The following PCDHGB3 variants were observed in gnomAD, a reference collection of about 807,000 sequenced individuals.
PCDHGB3 encodes protocadherin gamma subfamily B, 3, also known as protocadherin gamma-B3.
Under a neutral mutation model 59.2 loss-of-function variants are expected in PCDHGB3, and 40 were observed. The observed-to-expected ratio is 0.68, with a 90% confidence interval of 0.52 to 0.88. The LOEUF (loss-of-function observed/expected upper bound fraction) is 0.88. Ranked by LOEUF, PCDHGB3 falls within the 40% of genes least tolerant of loss-of-function variation. The pLI, the probability that PCDHGB3 is intolerant of heterozygous loss-of-function variation, is 0.00. For missense variants in PCDHGB3, 1,309 were observed against 1,187.9 expected (o/e 1.10, Z -1.50); for synonymous variants, 581 against 503.6 (o/e 1.15, Z -2.06).
Position 141,502,866 on chromosome 5 carries a change from C to CTTTTTTTTTTTTT in PCDHGB3, c.2475-2525_2475-2513dup, listed in dbSNP as rs549047197. ...GAGCTGCCTAACCCTGACTCTCTGT[C>CTTTTTTTTTTTTT]TTTTTTTTTTTTTTGACAGGGAGTC... On this transcript the variant is annotated intron_variant, in intron 2 of 3. Transcript: ENST00000576222. Among the ~76,000 whole-genome samples, 40 of 128,010 alleles carry CTTTTTTTTTTTTT rather than the reference C, an allele frequency of 3.1e-4. 6 individuals carry two copies. The highest frequency in any genetic ancestry group is 5.1e-4 in the Admixed American group (6 of 11,656). 84.0% of individuals were successfully genotyped at this position (128,010 alleles called of 152,430 possible). A position where few individuals can be genotyped will look rare whatever the true frequency, so the allele number is the denominator to read the frequency against.
Position 141,432,917 on chromosome 5 carries a change from C to A in PCDHGB3, c.2415+60108C>A. 6.2e-7 allele frequency: 1 copy of A among 1,614,166 alleles called. No homozygotes were observed. Among genetic ancestry groups the A allele is most frequent in the South Asian group, 1.1e-5 (1 of 91,086 alleles). On this transcript the variant is annotated intron_variant, in intron 1 of 3. Transcript: ENST00000576222. This position sits in a 1 kb window ranked among gnomAD's most constrained non-coding sequence, Gnocchi z 6.0. The stretch of plus-strand genomic sequence containing the variant: ...GCTGGCGCTCAGGCTGCGGCGCTGG[C>A]ACAAGTCACGCCTGCTGCAGGCTTC...
At position 141,419,393 on chromosome 5, in the gene PCDHGB3, G is replaced by C; in HGVS notation, c.2415+46584G>C. On this transcript the variant is annotated intron_variant, in intron 1 of 3. Transcript: ENST00000576222. ...CTACGTGTCCGTGAGCGCGCAGAGC[G>C]GGGTGGTGTTCGCGCAGCGCGCCTT... 1.2e-6 allele frequency: 2 copies of C among 1,613,620 alleles called. No homozygotes were observed. The highest frequency in any genetic ancestry group is 1.7e-6 in the Non-Finnish European group (2 of 1,179,912).
rs1361609314 is a variant in PCDHGB3 at position 141,423,642 on chromosome 5, TGACCC to T, written c.2415+50837_2415+50841del. 6 of 1,596,888 alleles carry T rather than the reference TGACCC, an allele frequency of 3.8e-6. No individual in the cohort carries two copies. In the South Asian group the frequency reaches 5.7e-5, roughly 15 times the overall value. ...ACTCAGCTATCATTTTAGGCAAATGTGACCCGACAAGTAATCAGGTGAGATTTATT... is the reference window on the plus strand; with the variant it reads ...ACTCAGCTATCATTTTAGGCAAATGTGACAAGTAATCAGGTGAGATTTATT... On this transcript the variant is annotated intron_variant, in intron 1 of 3. Transcript: ENST00000576222.
intron 1 of PCDHGB3, chr5:141,413,874 T>C: frequency 6.2e-7 from 1 of 1,613,424 alleles, no homozygotes; most frequent in Non-Finnish European, 8.5e-7. Context: ...TCCTTGTCAG[T>C]GTGACTGTCT....
chr5:141,474,955 T>C (rs2099356879), intron 1 of PCDHGB3, among the ~76,000 whole-genome samples: 1 of 152,254 alleles, frequency 6.6e-6, no homozygotes, highest in African/African-American at 2.4e-5. Context: ...TTTTATTCAC[T>C]ATCCTAATCA....
At chr5:141,403,652 G>C in intron 1 of PCDHGB3, 1 of 1,613,908 alleles carries the variant, frequency 6.2e-7, no homozygotes, top group South Asian at 1.1e-5. Context: ...GACAGTGTTG[G>C]ATACAAATGA....
At chr5:141,386,290 A>T (rs2090519757) in intron 1 of PCDHGB3, among the ~76,000 whole-genome samples, 1 of 152,214 alleles carries the variant, frequency 6.6e-6, no homozygotes, top group African/African-American at 2.4e-5. Flanking sequence ...TTTGTATAAC[A>T]TTTTAGTAAA....
intron 1 of PCDHGB3, among the ~76,000 whole-genome samples, chr5:141,443,477 C>T (rs1279226136): frequency 6.6e-6 from 1 of 152,116 alleles, no homozygotes; most frequent in Non-Finnish European, 1.5e-5. Flanking sequence ...CAGAATTAGA[C>T]CCTGTCCCAA....
chr5:141,383,095 A>G, intron 1 of PCDHGB3: 1 of 1,613,956 alleles, frequency 6.2e-7, no homozygotes, highest in Non-Finnish European at 8.5e-7. Context: ...CGGAGTCCGC[A>G]TCATCTCCAG....
chr5:141,389,095 CAG>C (rs759384103), intron 1 of PCDHGB3: 4 of 1,613,906 alleles, frequency 2.5e-6, no homozygotes, highest in South Asian at 2.2e-5. Flanking sequence ...AAATTAGTGA[CAG>C]ATGCTGTTCT....
intron 1 of PCDHGB3, chr5:141,393,748 G>A (rs368249829): frequency 1.2e-6 from 2 of 1,613,866 alleles, no homozygotes; most frequent in Non-Finnish European, 8.5e-7. Flanking sequence ...TATGAAGAAT[G>A]TTCATTTTAT....
At chr5:141,377,892 C>T (rs1387473486) in intron 1 of PCDHGB3, 1 of 152,170 alleles carries the variant, frequency 6.6e-6, no homozygotes, top group Non-Finnish European at 1.5e-5. Context: ...TAGGATCCCC[C>T]TCTGTTGCCC....
rs776348214 is a variant in PCDHGB3 at position 141,487,781 on chromosome 5, G to A, written c.2416-7026G>A. 108 of 1,526,850 alleles carry A rather than the reference G, an allele frequency of 7.1e-5. No individual in the cohort carries two copies. Among genetic ancestry groups the A allele is most frequent in the East Asian group, 3.7e-4 (15 of 40,622 alleles). 94.6% of individuals were successfully genotyped at this position (1,526,850 alleles called of 1,614,324 possible). On this transcript the variant is annotated intron_variant, in intron 1 of 3. Coordinates refer to ENST00000576222, the MANE Select transcript of PCDHGB3 (RefSeq NM_018924.5). This position sits in a 1 kb window ranked among gnomAD's most constrained non-coding sequence, Gnocchi z 5.0. ...AGACGCTGTGCTTTGTAACTGTTTC[G>A]TGAATTAACCAGAGTTGTCACAGTT... is the stretch of plus-strand genomic sequence containing the variant.
chr5:141,420,415 TAAAAC>T, intron 1 of PCDHGB3: 1 of 1,217,298 alleles, frequency 8.2e-7, no homozygotes, highest in Non-Finnish European at 1.1e-6. Flanking sequence ...TTATCATTAT[TAAAAC>T]AAAAGTTTAA....
chr5:141,423,706 A>C (rs1045905298), intron 1 of PCDHGB3: 1 of 1,231,762 alleles, frequency 8.1e-7, no homozygotes, highest in Admixed American at 3.4e-5. Context: ...TCTTGGCACA[A>C]GTCTTTTAAG....
At chr5:141,502,978 G>T (rs1004984942) in intron 2 of PCDHGB3, among the ~76,000 whole-genome samples, 1 of 150,096 alleles carries the variant, frequency 6.7e-6, no homozygotes, top group Non-Finnish European at 1.5e-5. Context: ...CAAGTAGCTG[G>T]GATTACAGGC....
intron 1 of PCDHGB3, chr5:141,408,141 C>G: frequency 1.3e-6 from 2 of 1,492,116 alleles, no homozygotes; most frequent in Non-Finnish European, 1.8e-6. Context: ...GCTCTTTTAG[C>G]GCGGTAGAGT....
rs774858191 is a variant in PCDHGB3 at position 141,413,689 on chromosome 5, C to T, written c.2415+40880C>T. On this transcript the variant is annotated intron_variant, in intron 1 of 3. Transcript: ENST00000576222. Reference sequence around the variant, plus strand: ...TCCGGATGTGGGCGTGAACTCCCTGCAGAGCTATCAGCTCAGCCCCAATAA... The same window carrying T: ...TCCGGATGTGGGCGTGAACTCCCTGTAGAGCTATCAGCTCAGCCCCAATAA... 6 of 1,613,800 alleles carry T rather than the reference C, an allele frequency of 3.7e-6. No individual in the cohort carries two copies. The Admixed American group carries it at 5.0e-5, about 13-fold the overall frequency.
At chr5:141,429,105 C>G (rs936114624) in intron 1 of PCDHGB3, 1 of 152,318 alleles carries the variant, frequency 6.6e-6, no homozygotes, top group Non-Finnish European at 1.5e-5. Flanking sequence ...CTGCCCGCCT[C>G]GGCCTCCCAA....
Sources: gnomAD v4.1 joint callset for allele counts (sites outside exome capture counted in the v4.1 genomes callset) on GRCh38, gnomAD v4.1.1 for gene constraint, Gnocchi (gnomAD v3.1) non-coding constraint, MANE v1.5 for transcripts, NCBI Gene and HGNC (gene_info 2026-07-23, HGNC 2026-07-21) for gene names.